CREB5: variants seen among roughly 807,000 people sequenced by gnomAD.
CREB5 encodes the protein cAMP responsive element binding protein 5.
CREB5 carries 19 observed loss-of-function variants against 57.1 expected under a neutral mutation model. The ratio of observed to expected loss-of-function variants is 0.33; its 90% CI spans 0.23 to 0.49. CREB5 has a LOEUF of 0.49. Ranked by LOEUF, CREB5 falls within the 20% of genes least tolerant of loss-of-function variation. The probability of loss-of-function intolerance (pLI) is 0.99; values close to 1 mark genes in which losing one functional copy is unlikely to be tolerated. For missense variants in CREB5, 579 were observed against 671.6 expected, an observed-to-expected ratio of 0.86 and a Z score of 1.52; for synonymous variants, 238 against 238.3, an observed-to-expected ratio of 1.00 and a Z score of 0.01.
intron 5 of CREB5, among the ~76,000 whole-genome samples, chr7:28,659,307 G>C (rs1017633540): frequency 2.0e-5 from 3 of 152,060 alleles, no homozygotes; most frequent in Admixed American, 2.0e-4. Context: ...ATACTTTTTA[G>C]GATGTTGGAT....
At chr7:28,764,797 C>G (rs912708186) in intron 7 of CREB5, among the ~76,000 whole-genome samples, 1 of 152,106 alleles carries the variant, frequency 6.6e-6, no homozygotes, top group African/African-American at 2.4e-5. Flanking sequence ...ATATAAATGT[C>G]GATGACAATT....
chr7:28,643,766 G>A (rs868185086), intron 5 of CREB5, among the ~76,000 whole-genome samples: 1 of 141,940 alleles, frequency 7.0e-6, no homozygotes. Flanking sequence ...GGGGGCGGAA[G>A]AAAAAAAAAA....
At chr7:28,772,017 A>G (rs1806352554) in intron 7 of CREB5, among the ~76,000 whole-genome samples, 1 of 152,134 alleles carries the variant, frequency 6.6e-6, no homozygotes, top group Non-Finnish European at 1.5e-5. Context: ...TAAAAACTGG[A>G]CAGCAAAGGG....
intron 7 of CREB5, among the ~76,000 whole-genome samples, chr7:28,802,933 G>A (rs1808455955): frequency 6.6e-6 from 1 of 152,250 alleles, no homozygotes; most frequent in Non-Finnish European, 1.5e-5. Context: ...CCCTGAAGTT[G>A]TATCAGAACA....
At chr7:28,311,865 G>T (rs1785284337) in intron 1 of CREB5, among the ~76,000 whole-genome samples, 1 of 152,146 alleles carries the variant, frequency 6.6e-6, no homozygotes, top group Non-Finnish European at 1.5e-5. Context: ...TGTCTCTGCC[G>T]TCTGCACTCC....
At chr7:28,560,825 C>CGTGCGT (rs1562797019) in intron 4 of CREB5, among the ~76,000 whole-genome samples, 2 of 37,566 alleles carry the variant, frequency 5.3e-5, no homozygotes, top group South Asian at 1.1e-3. Flanking sequence ...TGTGTGTGCG[C>CGTGCGT]GCGCGCGCGT....
intron 5 of CREB5, among the ~76,000 whole-genome samples, chr7:28,608,113 T>A (rs866911908): frequency 1.2e-3 from 167 of 143,168 alleles, no homozygotes; most frequent in African/African-American, 4.0e-3. Context: ...TCTCTCTCTC[T>A]CACACACACT....
At chr7:28,571,084 A>C (rs1049469622) in intron 5 of CREB5, among the ~76,000 whole-genome samples, 2 of 152,050 alleles carry the variant, frequency 1.3e-5, no homozygotes, top group Admixed American at 1.3e-4. Flanking sequence ...TGAGATAGCT[A>C]TTAAGTGACT....
intron 1 of CREB5, among the ~76,000 whole-genome samples, chr7:28,398,044 C>T (rs1256692038): frequency 2.6e-5 from 4 of 152,016 alleles, no homozygotes; most frequent in Non-Finnish European, 5.9e-5. Context: ...TTATCTAATT[C>T]CAGAATATTT....
chr7:28,324,974 C>T (rs1562657251), intron 1 of CREB5, among the ~76,000 whole-genome samples: 1 of 152,226 alleles, frequency 6.6e-6, no homozygotes, highest in African/African-American at 2.4e-5. Context: ...ATTAGCAAGA[C>T]TTGTCAACGC....
intron 4 of CREB5, among the ~76,000 whole-genome samples, chr7:28,528,949 G>A (rs1335978101): frequency 6.6e-6 from 1 of 152,114 alleles, no homozygotes; most frequent in Non-Finnish European, 1.5e-5. Flanking sequence ...ACCTTGGAGA[G>A]GTCATGAGAG....
chr7:28,649,339 T>C (rs1376471602), intron 5 of CREB5, among the ~76,000 whole-genome samples: 1 of 152,248 alleles, frequency 6.6e-6, no homozygotes, highest in Non-Finnish European at 1.5e-5. Flanking sequence ...GAAAGAATGG[T>C]ATTTCATGCC....
Position 28,488,161 on chromosome 7 carries a change from C to T in CREB5, c.4-14C>T. 6.2e-7 allele frequency: 1 copy of T among 1,613,024 alleles called. No homozygotes were observed. The highest frequency in any genetic ancestry group is 1.1e-5 in the South Asian group (1 of 90,954). ...ATTTCTTTTTCCTTCCTCCCTTTCC[C>T]TCTGATCCTTCAGATTTATGAGGAA... On this transcript the variant is annotated splice_polypyrimidine_tract_variant and intron_variant, in intron 1 of 10. Transcript: ENST00000357727.
intron 7 of CREB5, among the ~76,000 whole-genome samples, chr7:28,730,929 A>C (rs981934343): frequency 1.3e-5 from 2 of 152,190 alleles, no homozygotes; most frequent in East Asian, 3.9e-4. Flanking sequence ...CTTTATAAAA[A>C]TAAAGCTCAG....
At chr7:28,617,929 C>A (rs1279450300) in intron 5 of CREB5, among the ~76,000 whole-genome samples, 2 of 152,128 alleles carry the variant, frequency 1.3e-5, no homozygotes, top group East Asian at 3.8e-4. Flanking sequence ...TGACAGGAAG[C>A]CATTCCTTAT....
rs564923457 is a variant in CREB5, at chr7:28,792,312, A to T, written c.703-11887A>T. On this transcript the variant is annotated intron_variant, in intron 7 of 10. Coordinates refer to ENST00000357727, the MANE Select transcript of CREB5 (RefSeq NM_182898.4). Reference sequence around the variant, plus strand: ...GAGCAAGACTCTGTCTCAAAAAAAAATTGCCAAATAATAAGTGTCATATCA... The same window carrying T: ...GAGCAAGACTCTGTCTCAAAAAAAATTTGCCAAATAATAAGTGTCATATCA... Among the ~76,000 whole-genome samples the T allele has an allele frequency of 9.2e-5, 14 of 152,112 alleles. No individual in the cohort carries two copies. In the East Asian group the frequency reaches 2.1e-3, roughly 23 times the overall value.
At chr7:28,583,967 C>T (rs778259434) in intron 5 of CREB5, among the ~76,000 whole-genome samples, 38 of 152,114 alleles carry the variant, frequency 2.5e-4, no homozygotes, top group Non-Finnish European at 4.9e-4. Flanking sequence ...AGTGAGCCAC[C>T]GCGCTGGGCA....
intron 7 of CREB5, among the ~76,000 whole-genome samples, chr7:28,798,175 A>C (rs1442828795): frequency 6.6e-6 from 1 of 152,202 alleles, no homozygotes; most frequent in Non-Finnish European, 1.5e-5. Flanking sequence ...ACCTTTCTGG[A>C]AAGAATACTC....
Position 28,414,109 on chromosome 7 carries a change from T to C in CREB5, c.3+1192T>C, listed in dbSNP as rs532700388. 4.6e-5 allele frequency among the ~76,000 whole-genome samples: 7 copies of C among 152,254 alleles called. No homozygotes were observed. The East Asian group carries it at 1.3e-3, about 29-fold the overall frequency. ...TTCTGGTTATGTTGTTGGATTAAAATTGGGATTTGAGTGGACTTATTATTT... is the reference window on the plus strand; with the variant it reads ...TTCTGGTTATGTTGTTGGATTAAAACTGGGATTTGAGTGGACTTATTATTT... On this transcript the variant is annotated intron_variant, in intron 1 of 10. Coordinates refer to ENST00000357727, the MANE Select transcript of CREB5 (RefSeq NM_182898.4).
Sources: allele counts gnomAD v4.1 joint callset (sites outside exome capture counted in the v4.1 genomes callset), GRCh38; gene constraint gnomAD v4.1.1; transcripts MANE v1.5; gene names NCBI Gene and HGNC (gene_info 2026-07-23, HGNC 2026-07-21).